The following ICA1L variants were observed in gnomAD, a reference collection of about 807,000 sequenced individuals.
The protein encoded by ICA1L is islet cell autoantigen 1-like protein.
ICA1L carries 50 observed loss-of-function variants against 61.3 expected under a neutral mutation model. The ratio of observed to expected loss-of-function variants is 0.82; its 90% CI spans 0.65 to 1.03. The LOEUF (loss-of-function observed/expected upper bound fraction) is 1.03, where lower values mean the gene tolerates loss of function less well. Among genes scored for constraint, ICA1L ranks in the 50% least tolerant of loss-of-function variants. The probability of loss-of-function intolerance (pLI) is 0.00; values close to 1 mark genes in which losing one functional copy is unlikely to be tolerated. For missense variants in ICA1L, 508 were observed against 556.7 expected, an observed-to-expected ratio of 0.91 and a Z score of 0.88; for synonymous variants, 161 against 191.3, an observed-to-expected ratio of 0.84 and a Z score of 1.31.
At chr2:202,856,631 G>C (rs942037204) in intron 1 of ICA1L, among the ~76,000 whole-genome samples, 4 of 152,024 alleles carry the variant, frequency 2.6e-5, no homozygotes, top group African/African-American at 7.2e-5. Context: ...TTCTGGCCAG[G>C]GCAATCAGGC....
chr2:202,816,354 C>T (rs1263064748), intron 6 of ICA1L, among the ~76,000 whole-genome samples: 1 of 152,108 alleles, frequency 6.6e-6, no homozygotes, highest in Non-Finnish European at 1.5e-5. Flanking sequence ...ATACCAATCT[C>T]TGTTAAAGGA....
chr2:202,819,220 T>C (rs1693629172), intron 5 of ICA1L, among the ~76,000 whole-genome samples: 1 of 152,234 alleles, frequency 6.6e-6, no homozygotes, highest in African/African-American at 2.4e-5. Flanking sequence ...GGGCTATAAT[T>C]TATAATAAGG....
chr2:202,810,026 G>A (rs1455669829), intron 9 of ICA1L, among the ~76,000 whole-genome samples: 3 of 152,082 alleles, frequency 2.0e-5, no homozygotes, highest in African/African-American at 7.2e-5. Context: ...ACCCAAAGAA[G>A]ACTACCTCAA....
Position 202,838,844 on chromosome 2 carries a change from T to C in ICA1L, c.-7-9828A>G, listed in dbSNP as rs1469580664. Among the ~76,000 whole-genome samples the C allele has an allele frequency of 2.6e-5, 4 of 152,246 alleles. No individual in the cohort carries two copies. The South Asian group carries it at 6.2e-4, about 24-fold the overall frequency. On this transcript the variant is annotated intron_variant, in intron 1 of 12. Transcript: ENST00000358299. ...GCTTCTGATGAGGCCTCAGGGAGCT[T>C]TTCCTTATGGTGGAAAGGGATTGGG...
chr2:202,792,990 G>A (rs1006163783), intron 10 of ICA1L, among the ~76,000 whole-genome samples: 3 of 152,130 alleles, frequency 2.0e-5, no homozygotes, highest in Non-Finnish European at 2.9e-5. Flanking sequence ...ACGGCTTGGA[G>A]TGAATCAGAG....
intron 9 of ICA1L, 117 bp from the exon 10 acceptor site, chr2:202,797,081 T>C: frequency 1.8e-6 from 1 of 561,238 alleles, no homozygotes; most frequent in Non-Finnish European, 3.1e-6. Flanking sequence ...ATCGAAAACA[T>C]ACAAAAGGGA....
At chr2:202,867,587 G>A (rs924966866) in intron 1 of ICA1L, among the ~76,000 whole-genome samples, 3 of 152,080 alleles carry the variant, frequency 2.0e-5, no homozygotes, top group Admixed American at 6.6e-5. Flanking sequence ...CCTTTATGCA[G>A]TATATGACTG....
rs538199698 is a variant in ICA1L, at chr2:202,795,192, T to C, written c.985+1698A>G. Among the ~76,000 whole-genome samples, 6 of 150,812 alleles carry C rather than the reference T, an allele frequency of 4.0e-5. No individual in the cohort carries two copies. The East Asian group carries it at 1.0e-3, about 25-fold the overall frequency. On this transcript the variant is annotated intron_variant, in intron 10 of 12. Coordinates refer to ENST00000358299, the MANE Select transcript of ICA1L (RefSeq NM_001288622.3). ...ATTTAGTAGAGACAGGGTTTCACCA[T>C]GTTAGCCAGGCTGATCTCGAACTCC... is the stretch of plus-strand genomic sequence containing the variant.
chr2:202,794,813 G>A (rs1692874042), intron 10 of ICA1L, among the ~76,000 whole-genome samples: 2 of 151,716 alleles, frequency 1.3e-5, no homozygotes, highest in Non-Finnish European at 1.5e-5. Context: ...GAAAAAAAAA[G>A]TCTGAAAGAT....
At chr2:202,839,605 TG>T (rs1694264541) in intron 1 of ICA1L, among the ~76,000 whole-genome samples, 1 of 143,448 alleles carries the variant, frequency 7.0e-6, no homozygotes, top group African/African-American at 2.6e-5. Context: ...TGTGTGTGTG[TG>T]TGTGTGTGTG....
At chr2:202,861,091 G>A (rs1478201712) in intron 1 of ICA1L, among the ~76,000 whole-genome samples, 1 of 152,004 alleles carries the variant, frequency 6.6e-6, no homozygotes, top group Non-Finnish European at 1.5e-5. Flanking sequence ...TTAACTGGGT[G>A]TGGTGGCGGG....
rs1166679171 is a variant in ICA1L at position 202,775,478 on chromosome 2, C to G, written c.*4055G>C. ...ACGTACATTATATTATTTCCCATAT[C>G]TTACATAGTCCCCTTGTATATGAAA... On this transcript the variant is annotated 3_prime_UTR_variant, in exon 13 of 13. Transcript: ENST00000358299. 6.6e-6 allele frequency: 1 copy of G among 152,188 alleles called. No homozygotes were observed. Among genetic ancestry groups the G allele is most frequent in the Non-Finnish European group, 1.5e-5 (1 of 68,036 alleles). 9.4% of individuals were successfully genotyped at this position (152,188 alleles called of 1,614,324 possible).
At chr2:202,845,024 TTC>T (rs1292390475) in intron 1 of ICA1L, among the ~76,000 whole-genome samples, 1 of 152,198 alleles carries the variant, frequency 6.6e-6, no homozygotes, top group Non-Finnish European at 1.5e-5. Flanking sequence ...CTTCTAATCT[TTC>T]TCTAATTCTA....
chr2:202,848,813 G>A (rs751342600), intron 1 of ICA1L, among the ~76,000 whole-genome samples: 3 of 152,030 alleles, frequency 2.0e-5, no homozygotes, highest in Non-Finnish European at 4.4e-5. Flanking sequence ...TACAACAGTG[G>A]TCCCATAAAA....
intron 1 of ICA1L, among the ~76,000 whole-genome samples, chr2:202,830,119 T>A (rs1280608147): frequency 3.9e-5 from 6 of 152,132 alleles, no homozygotes; most frequent in Admixed American, 1.3e-4. Context: ...ATATGCTAGG[T>A]GCAGTGGCTC....
At position 202,788,934 on chromosome 2, in the gene ICA1L, G is replaced by A. The variant is rs1163285685; in HGVS notation, c.1139C>T (p.Thr380Ile). Residue 380 changes from threonine (T) to isoleucine (I), a missense_variant, in exon 11 of 13, where the codon ACA (threonine) becomes ATA (isoleucine). Transcript: ENST00000358299. ...AGACCCCATGGAAGGCTCCTGGGAT[G>A]TGAGACTGGCACTGGGGCTCCCAAA... ...TAFGSPSASLTSQEPSMGSEP... is the reference protein window; with the variant it reads ...TAFGSPSASLISQEPSMGSEP... The A allele has an allele frequency of 1.1e-5, 18 of 1,614,054 alleles. No homozygotes were observed. Among genetic ancestry groups the A allele is most frequent in the Non-Finnish European group, 1.4e-5 (17 of 1,180,008 alleles).
intron 1 of ICA1L, among the ~76,000 whole-genome samples, chr2:202,867,715 C>G (rs538011682): frequency 3.3e-5 from 5 of 152,292 alleles, no homozygotes; most frequent in Admixed American, 2.6e-4. Flanking sequence ...AACAACCAAT[C>G]TGTCAATTCA....
chr2:202,826,715 C>T (rs1175036423), intron 2 of ICA1L, among the ~76,000 whole-genome samples: 2 of 152,020 alleles, frequency 1.3e-5, no homozygotes, highest in Non-Finnish European at 2.9e-5. Context: ...TGTGATCCAC[C>T]TGCCTCAGCC....
At chr2:202,856,074 A>G (rs2105885178) in intron 1 of ICA1L, among the ~76,000 whole-genome samples, 2 of 101,612 alleles carry the variant, frequency 2.0e-5, no homozygotes, top group South Asian at 1.1e-3. Flanking sequence ...CTCCGTCTCA[A>G]GAAAAAAAAA....
Sources: allele counts gnomAD v4.1 joint callset (sites outside exome capture counted in the v4.1 genomes callset), GRCh38; gene constraint gnomAD v4.1.1; transcripts MANE v1.5; gene names NCBI Gene and HGNC (gene_info 2026-07-23, HGNC 2026-07-21).